Variants in PIEZO2 observed in about 807,000 individuals in gnomAD.
The protein encoded by PIEZO2 is piezo-type mechanosensitive ion channel component 2.
In PIEZO2, 172 loss-of-function variants were observed where a neutral mutation model predicts 337.3. That is an observed-to-expected ratio of 0.51 (90% CI 0.45 to 0.58). PIEZO2 has a LOEUF of 0.58. Ranked by LOEUF, PIEZO2 falls within the 20% of genes least tolerant of loss-of-function variation. The pLI, the probability that PIEZO2 is intolerant of heterozygous loss-of-function variation, is 0.00. For synonymous variants in PIEZO2, 1,251 were observed against 1,228.5 expected (o/e 1.02, Z -0.38); for missense variants, 3,028 against 3,391.3 (o/e 0.89, Z 2.66).
intron 3 of PIEZO2, among the ~76,000 whole-genome samples, chr18:10,975,574 G>C (rs569412534): frequency 2.0e-5 from 3 of 152,022 alleles, no homozygotes; most frequent in Non-Finnish European, 2.9e-5. Flanking sequence ...TAAATAGGGT[G>C]GTTTGAAAAA....
intron 3 of PIEZO2, among the ~76,000 whole-genome samples, chr18:10,951,829 T>C (rs919961739): frequency 2.0e-5 from 3 of 152,210 alleles, no homozygotes; most frequent in Non-Finnish European, 4.4e-5. Context: ...TATCATTCCC[T>C]GGAGCTAGAA....
chr18:10,956,807 A>C (rs961764486), intron 3 of PIEZO2, among the ~76,000 whole-genome samples: 8 of 151,776 alleles, frequency 5.3e-5, no homozygotes, highest in African/African-American at 1.9e-4. Context: ...GTCTCTACTA[A>C]AAATACAAAA....
At chr18:10,910,696 T>C (rs1000383349) in intron 4 of PIEZO2, among the ~76,000 whole-genome samples, 34 of 152,312 alleles carry the variant, frequency 2.2e-4, no homozygotes, top group Non-Finnish European at 4.9e-4. Context: ...TTTGTTTCTT[T>C]TGGGGAGATG....
chr18:10,763,338 T>A, intron 21 of PIEZO2: 1 of 510,246 alleles, frequency 2.0e-6, no homozygotes, highest in Non-Finnish European at 3.5e-6. Context: ...ATCAATATCA[T>A]GTAGCACTGG....
intron 7 of PIEZO2, among the ~76,000 whole-genome samples, chr18:10,816,910 T>C (rs748048456): frequency 3.3e-5 from 5 of 152,170 alleles, no homozygotes; most frequent in Non-Finnish European, 7.3e-5. Flanking sequence ...TATTAATTTT[T>C]AAAACATTGA....
intron 1 of PIEZO2, among the ~76,000 whole-genome samples, chr18:11,090,455 T>C (rs1420828019): frequency 6.6e-6 from 1 of 152,170 alleles, no homozygotes; most frequent in Non-Finnish European, 1.5e-5. Context: ...CACAGTCTAA[T>C]GGGTTTACAA....
intron 3 of PIEZO2, among the ~76,000 whole-genome samples, chr18:10,970,644 G>T (rs1006385397): frequency 6.9e-6 from 1 of 145,406 alleles, no homozygotes; most frequent in East Asian, 2.1e-4. Flanking sequence ...GCAAAACTTA[G>T]AACAAAAAAG....
chr18:10,680,401 T>C (rs1271229960), intron 51 of PIEZO2, 30 bp from the exon 52 acceptor site: 4 of 1,576,814 alleles, frequency 2.5e-6, no homozygotes, highest in Non-Finnish European at 1.7e-6. Flanking sequence ...CATGCATAAA[T>C]AGATTATATG....
At chr18:11,145,610 G>A (rs1270883651) in intron 1 of PIEZO2, among the ~76,000 whole-genome samples, 2 of 152,150 alleles carry the variant, frequency 1.3e-5, no homozygotes, top group African/African-American at 2.4e-5. Context: ...CTCACTATGC[G>A]CAGGAGAGAA....
At chr18:10,764,269 C>A (rs1015062714) in intron 21 of PIEZO2, among the ~76,000 whole-genome samples, 2 of 152,100 alleles carry the variant, frequency 1.3e-5, no homozygotes, top group African/African-American at 4.8e-5. Context: ...TCATTTGATA[C>A]AACTAAACAT....
intron 7 of PIEZO2, among the ~76,000 whole-genome samples, chr18:10,842,843 T>C (rs2041238184): frequency 1.3e-5 from 2 of 152,232 alleles, no homozygotes; most frequent in Admixed American, 1.3e-4. Context: ...TAAGAAAAAC[T>C]CAACAATGAG....
intron 1 of PIEZO2, among the ~76,000 whole-genome samples, chr18:11,074,296 C>T (rs79320287): frequency 0.027 from 4,066 of 152,256 alleles, 123 homozygotes; most frequent in African/African-American, 0.072. Context: ...TCTCAGGGAG[C>T]TGTACCTTCA....
chr18:10,986,716 C>T (rs972525189), intron 2 of PIEZO2, among the ~76,000 whole-genome samples: 3 of 151,624 alleles, frequency 2.0e-5, no homozygotes, highest in Non-Finnish European at 2.9e-5. Context: ...AAGTACTAAC[C>T]GGAACAGTTA....
Position 10,801,190 on chromosome 18 carries a change from T to C in PIEZO2, c.1239+200A>G, listed in dbSNP as rs12455529. Among the ~76,000 whole-genome samples, 42,560 of 152,218 alleles carry C rather than the reference T, an allele frequency of 0.28. 6,969 individuals carry two copies. The highest frequency in any genetic ancestry group is 0.41 in the Middle Eastern group (120 of 294). On this transcript the variant is annotated intron_variant, in intron 10 of 55. Transcript: ENST00000674853. ...CACTTTTTAAAAAGCCCACAAAGCT[T>C]CTTAAAATTTAAATATATTTTGTAT... is the stretch of plus-strand genomic sequence containing the variant.
chr18:10,912,374 T>A (rs2030557453), intron 3 of PIEZO2, among the ~76,000 whole-genome samples: 1 of 152,182 alleles, frequency 6.6e-6, no homozygotes, highest in South Asian at 2.1e-4. Flanking sequence ...GGTAAACATA[T>A]TCTGATTTCA....
In PIEZO2 at chr18:11,127,803, ATGTG is replaced by A. The variant is rs34849868; in HGVS notation, c.64+20718_64+20721del. Among the ~76,000 whole-genome samples, 35 of 146,830 alleles carry A rather than the reference ATGTG, an allele frequency of 2.4e-4. No individual in the cohort carries two copies. Among genetic ancestry groups the A allele is most frequent in the South Asian group, 8.7e-4 (4 of 4,576 alleles). ...TGCATATACGTGTGTGTGTGTGTGC[ATGTG>A]TGTGTGTGTGTGTGTGTGTATCCTA... On this transcript the variant is annotated intron_variant, in intron 1 of 55. Coordinates refer to ENST00000674853, the MANE Select transcript of PIEZO2 (RefSeq NM_001378183.1). This position sits in a 1 kb window ranked among gnomAD's most constrained non-coding sequence, Gnocchi z 4.5.
chr18:10,883,535 G>T (rs2042484269), intron 4 of PIEZO2, among the ~76,000 whole-genome samples: 1 of 152,146 alleles, frequency 6.6e-6, no homozygotes, highest in African/African-American at 2.4e-5. Flanking sequence ...ATACATTAGA[G>T]AAATACATTA....
chr18:10,802,802 T>A (rs959235985), intron 9 of PIEZO2, among the ~76,000 whole-genome samples: 1 of 151,968 alleles, frequency 6.6e-6, no homozygotes, highest in Non-Finnish European at 1.5e-5. Context: ...AAACCACATC[T>A]CTACTAAAAA....
chr18:10,774,284 T>C (rs892900101), intron 18 of PIEZO2, among the ~76,000 whole-genome samples: 18 of 152,188 alleles, frequency 1.2e-4, no homozygotes, highest in African/African-American at 4.1e-4. Flanking sequence ...GGAGAGAGCA[T>C]ACTGAGACTG....
Sources: allele counts gnomAD v4.1 joint callset (sites outside exome capture counted in the v4.1 genomes callset), GRCh38; gene constraint gnomAD v4.1.1; non-coding constraint Gnocchi (gnomAD v3.1); transcripts MANE v1.5; gene names NCBI Gene and HGNC (gene_info 2026-07-23, HGNC 2026-07-21).